The following PHACTR2 variants were observed in gnomAD, a reference collection of about 807,000 sequenced individuals.
PHACTR2 encodes chromosome 6 open reading frame 56.
A neutral mutation model predicts 76.0 loss-of-function variants in PHACTR2; 30 were observed. The ratio of observed to expected loss-of-function variants is 0.39; its 90% CI spans 0.30 to 0.54. PHACTR2 has a LOEUF of 0.54. Ranked by LOEUF, PHACTR2 falls within the 20% of genes least tolerant of loss-of-function variation. The probability of loss-of-function intolerance (pLI) is 0.61; values close to 1 mark genes in which losing one functional copy is unlikely to be tolerated. For synonymous variants in PHACTR2, 292 were observed against 292.5 expected (o/e 1.00, Z 0.02); for missense variants, 696 against 781.1 (o/e 0.89, Z 1.30).
Position 143,539,836 on chromosome 6 carries a change from C to T in PHACTR2, c.217+2629C>T, listed in dbSNP as rs1030939966. On this transcript the variant is annotated intron_variant, in intron 1 of 11. Transcript: ENST00000367584. This position sits in a 1 kb window ranked among gnomAD's most constrained non-coding sequence, Gnocchi z 4.3. ...GTTTGAAAAGTGCTGCTCTCCCACACTGGTTTTCAAACTTGGCTACACGTA... is the reference window on the plus strand; with the variant it reads ...GTTTGAAAAGTGCTGCTCTCCCACATTGGTTTTCAAACTTGGCTACACGTA... Among the ~76,000 whole-genome samples, 1 of 152,200 alleles carries T rather than the reference C, an allele frequency of 6.6e-6. No individual in the cohort carries two copies. Among genetic ancestry groups the T allele is most frequent in the African/African-American group, 2.4e-5 (1 of 41,454 alleles).
At chr6:143,781,728 A>C (rs1210966413) in intron 9 of PHACTR2, among the ~76,000 whole-genome samples, 1 of 152,228 alleles carries the variant, frequency 6.6e-6, no homozygotes, top group Non-Finnish European at 1.5e-5. Context: ...CTAAGTATGC[A>C]TTTTTAAGGA....
rs971010966 is a variant in PHACTR2 at position 143,710,518 on chromosome 6, C to A, written c.47-1498C>A. On this transcript the variant is annotated intron_variant, in intron 1 of 12. Coordinates refer to ENST00000440869, the MANE Select transcript of PHACTR2 (RefSeq NM_001100164.2). This position sits in a 1 kb window ranked among gnomAD's most constrained non-coding sequence, Gnocchi z 4.9. The stretch of plus-strand genomic sequence containing the variant: ...GACCAGCCTGGGCAACATGGTGAAA[C>A]CCCGTCTCTACTAAAAATACAAAAA... Among the ~76,000 whole-genome samples the A allele has an allele frequency of 6.6e-6, 1 of 152,084 alleles. No homozygotes were observed. The highest frequency in any genetic ancestry group is 2.4e-5 in the African/African-American group (1 of 41,394).
At position 143,806,903 on chromosome 6, in the gene PHACTR2, GC is replaced by G. The variant is rs1776077951; in HGVS notation, c.1846-152del. 6.6e-6 allele frequency among the ~76,000 whole-genome samples: 1 copy of G among 151,354 alleles called. No individual in the cohort carries two copies. The highest frequency in any genetic ancestry group is 6.6e-5 in the Admixed American group (1 of 15,142). On this transcript the variant is annotated intron_variant, in intron 11 of 12. Coordinates refer to ENST00000440869, the MANE Select transcript of PHACTR2 (RefSeq NM_001100164.2). The surrounding 1 kb of genome is among the most constrained non-coding windows in gnomAD (Gnocchi z 5.8). ...GCCCAGGAGTTTGAGGCTGCAATGA[GC>G]CATGATCTCGCCACTCCACTCCAGC...
Position 143,777,238 on chromosome 6 carries a change from C to T in PHACTR2, c.1590-90C>T, listed in dbSNP as rs1775304024. Reference sequence around the variant, plus strand: ...AAAAATGGATTTTTATTTCTCAAAACATGAAAAATAGAGCTTTGTTGTTTT... The same window carrying T: ...AAAAATGGATTTTTATTTCTCAAAATATGAAAAATAGAGCTTTGTTGTTTT... On this transcript the variant is annotated intron_variant, in intron 8 of 12. Coordinates refer to ENST00000440869, the MANE Select transcript of PHACTR2 (RefSeq NM_001100164.2). The surrounding 1 kb of genome is among the most constrained non-coding windows in gnomAD (Gnocchi z 4.6). 1 of 663,108 alleles carries T rather than the reference C, an allele frequency of 1.5e-6. No individual in the cohort carries two copies. The highest frequency in any genetic ancestry group is 3.1e-5 in the Admixed American group (1 of 32,124). The allele number at this position is 663,108 out of a possible 1,614,324, so 41.1% of individuals were successfully genotyped here.
At position 143,683,252 on chromosome 6, in the gene PHACTR2, C is replaced by T. The variant is rs1383507770; in HGVS notation, c.46+5043C>T. On this transcript the variant is annotated intron_variant, in intron 1 of 12. Transcript: ENST00000440869. This position sits in a 1 kb window ranked among gnomAD's most constrained non-coding sequence, Gnocchi z 4.1. ...AGAGCATGGTAGATTGGATACAATA[C>T]ATTTTTGATGAATATATGAATGAGT... Among the ~76,000 whole-genome samples, 1 of 152,012 alleles carries T rather than the reference C, an allele frequency of 6.6e-6. No homozygotes were observed. The highest frequency in any genetic ancestry group is 1.5e-5 in the Non-Finnish European group (1 of 67,992).
At chr6:143,559,140 T>C (rs1052631152) in intron 1 of PHACTR2, among the ~76,000 whole-genome samples, 1 of 152,236 alleles carries the variant, frequency 6.6e-6, no homozygotes, top group Non-Finnish European at 1.5e-5. Context: ...GGCTTTCCCC[T>C]GCTATAATAT....
chr6:143,706,722 C>G (rs1263200567), intron 1 of PHACTR2, among the ~76,000 whole-genome samples: 1 of 152,208 alleles, frequency 6.6e-6, no homozygotes, highest in Non-Finnish European at 1.5e-5. Flanking sequence ...ATATTTGACC[C>G]AATCTGCTGT....
Position 143,608,398 on chromosome 6 carries a change from G to A in PHACTR2, c.13+76G>A. 1 of 1,487,784 alleles carries A rather than the reference G, an allele frequency of 6.7e-7. No individual in the cohort carries two copies. Among genetic ancestry groups the A allele is most frequent in the Non-Finnish European group, 9.4e-7 (1 of 1,067,222 alleles). 92.2% of individuals were successfully genotyped at this position (1,487,784 alleles called of 1,614,324 possible). A position where few individuals can be genotyped will look rare whatever the true frequency, so the allele number is the denominator to read the frequency against. On this transcript the variant is annotated intron_variant, in intron 1 of 11. Transcript: ENST00000305766. The surrounding 1 kb of genome is among the most constrained non-coding windows in gnomAD (Gnocchi z 4.6). ...CCGCATCCTTTACTGCGGAAGGTTT[G>A]CCTATTTGTTGCTCTCGTTTTGCAC...
At chr6:143,744,793 A>T (rs986456762) in intron 2 of PHACTR2, among the ~76,000 whole-genome samples, 2 of 152,244 alleles carry the variant, frequency 1.3e-5, no homozygotes, top group African/African-American at 2.4e-5. Flanking sequence ...AGATTACCAG[A>T]GTATAAGCCT....
rs1457604853 is a variant in PHACTR2, at chr6:143,553,338, T to TTC, written c.217+16132_217+16133insCT. Among the ~76,000 whole-genome samples, 3 of 152,198 alleles carry TTC rather than the reference T, an allele frequency of 2.0e-5. No individual in the cohort carries two copies. Among genetic ancestry groups the TTC allele is most frequent in the Admixed American group, 2.0e-4 (3 of 15,290 alleles). On this transcript the variant is annotated intron_variant, in intron 1 of 11. Transcript: ENST00000367584. The surrounding 1 kb of genome is among the most constrained non-coding windows in gnomAD (Gnocchi z 4.2). The stretch of plus-strand genomic sequence containing the variant: ...CAATTTGTACAGAAGTGACTGTGCA[T>TTC]TTTAAAGAGAGAATGAAGGAGTATA...
At chr6:143,771,738 T>C (rs544251319) in intron 6 of PHACTR2, among the ~76,000 whole-genome samples, 34 of 152,214 alleles carry the variant, frequency 2.2e-4, no homozygotes, top group African/African-American at 7.5e-4. Flanking sequence ...AACCCAGCCA[T>C]ATATTAATGA....
At position 143,635,956 on chromosome 6, in the gene PHACTR2, C is replaced by T. The variant is rs1179430500; in HGVS notation, c.13+27634C>T. 2.0e-5 allele frequency among the ~76,000 whole-genome samples: 3 copies of T among 152,222 alleles called. No individual in the cohort carries two copies. In the South Asian group the frequency reaches 6.2e-4, roughly 32 times the overall value. On this transcript the variant is annotated intron_variant, in intron 1 of 11. Coordinates refer to the PHACTR2 transcript ENST00000305766. ...GGTGTGGTGGCTCATGCCTGTAATT[C>T]CAGCACTTTGAGAGGCCGAGGTGGG...
At chr6:143,642,604 T>A (rs1582728891) in intron 1 of PHACTR2, among the ~76,000 whole-genome samples, 1 of 152,122 alleles carries the variant, frequency 6.6e-6, no homozygotes, top group East Asian at 1.9e-4. Context: ...CAGATGTAAT[T>A]GGTTTAGTTT....
At chr6:143,650,417 T>C (rs778873057) in intron 1 of PHACTR2, among the ~76,000 whole-genome samples, 9 of 152,128 alleles carry the variant, frequency 5.9e-5, no homozygotes, top group Non-Finnish European at 1.3e-4. Context: ...GCTGGAGGCA[T>C]CACCCTACCC....
rs534164221 is a variant in PHACTR2, at chr6:143,633,337, T to A, written c.13+25015T>A. ...AGTAGTGGCATCTTGTTGCTTCAAT[T>A]TGCAATTCCCTATCGGCATATGATG... On this transcript the variant is annotated intron_variant, in intron 1 of 11. Transcript: ENST00000305766. The surrounding 1 kb of genome is among the most constrained non-coding windows in gnomAD (Gnocchi z 4.1). Among the ~76,000 whole-genome samples the A allele has an allele frequency of 2.0e-5, 3 of 152,206 alleles. No homozygotes were observed. The highest frequency in any genetic ancestry group is 4.4e-5 in the Non-Finnish European group (3 of 68,036).
At chr6:143,626,495 C>T (rs1776261432) in intron 1 of PHACTR2, among the ~76,000 whole-genome samples, 1 of 145,618 alleles carries the variant, frequency 6.9e-6, no homozygotes, top group Non-Finnish European at 1.5e-5. Flanking sequence ...CGAGATTGCG[C>T]CACTGCAGTC....
chr6:143,688,409 G>GTCTGCAACTCTGACCTTTC lies in PHACTR2; in HGVS notation c.46+10207_46+10225dup, dbSNP rs1777569645. On this transcript the variant is annotated intron_variant, in intron 1 of 12. Transcript: ENST00000440869. The surrounding 1 kb of genome is among the most constrained non-coding windows in gnomAD (Gnocchi z 5.2). ...CAACTCCCAGAGTTACCCAGTTTGTGTCTGCAACTCTGACCTTTCTCTGCA... is the reference window on the plus strand; with the variant it reads ...CAACTCCCAGAGTTACCCAGTTTGTGTCTGCAACTCTGACCTTTCTCTGCAACTCTGACCTTTCTCTGCA... 6.6e-6 allele frequency among the ~76,000 whole-genome samples: 1 copy of GTCTGCAACTCTGACCTTTC among 152,020 alleles called. No homozygotes were observed. The highest frequency in any genetic ancestry group is 1.5e-5 in the Non-Finnish European group (1 of 68,032).
chr6:143,575,202 T>C (rs1021881254), intron 1 of PHACTR2, among the ~76,000 whole-genome samples: 15 of 152,260 alleles, frequency 9.9e-5, no homozygotes, highest in African/African-American at 3.4e-4. Context: ...ATATTGTTTA[T>C]ACATAGTCTT....
chr6:143,668,849 G>C (rs1777094900), intron 1 of PHACTR2, among the ~76,000 whole-genome samples: 1 of 152,046 alleles, frequency 6.6e-6, no homozygotes, highest in African/African-American at 2.4e-5. Context: ...TTTTTGAAGG[G>C]TTTTTCATTT....
Sources: allele counts gnomAD v4.1 joint callset (sites outside exome capture counted in the v4.1 genomes callset), GRCh38; gene constraint gnomAD v4.1.1; non-coding constraint Gnocchi (gnomAD v3.1); transcripts MANE v1.5; gene names NCBI Gene and HGNC (gene_info 2026-07-23, HGNC 2026-07-21).